The following SYN3 variants were observed in gnomAD, a reference collection of about 807,000 sequenced individuals.
SYN3 encodes synapsin III.
SYN3 carries 35 observed loss-of-function variants against 65.8 expected under a neutral mutation model. The observed-to-expected ratio is 0.53, with a 90% CI of 0.41 to 0.70. SYN3 has a LOEUF of 0.70. SYN3 is among the 30% of genes least tolerant of loss of function. SYN3 has a pLI of 0.00. For synonymous variants in SYN3, 270 were observed against 292.9 expected, an observed-to-expected ratio of 0.92 and a Z score of 0.80; for missense variants, 680 against 749.0, an observed-to-expected ratio of 0.91 and a Z score of 1.08.
chr22:32,694,308 T>A (rs1321124282), intron 6 of SYN3, among the ~76,000 whole-genome samples: 1 of 152,194 alleles, frequency 6.6e-6, no homozygotes, highest in Admixed American at 6.5e-5. Context: ...CTGCCACATA[T>A]AAGCCATTTC....
intron 3 of SYN3, among the ~76,000 whole-genome samples, chr22:32,951,821 C>T (rs1017859023): frequency 2.6e-5 from 4 of 152,160 alleles, no homozygotes; most frequent in Admixed American, 1.3e-4. Flanking sequence ...GGCCTACAGT[C>T]GCCCTTGTCT....
At position 32,510,419 on chromosome 22, in the gene SYN3, T is replaced by C. The variant is rs1274497856; in HGVS notation, c.*3273A>G. On this transcript the variant is annotated 3_prime_UTR_variant, in exon 14 of 14. Coordinates refer to ENST00000358763, the MANE Select transcript of SYN3 (RefSeq NM_003490.4). ...TGTCCAGCCTATTACCATTCAGTTG[T>C]ATGTTTTGAGCTGTCTTTTATTACT... Among the ~76,000 whole-genome samples the C allele has an allele frequency of 1.3e-5, 2 of 152,184 alleles. No homozygotes were observed. The highest frequency in any genetic ancestry group is 3.9e-4 in the East Asian group (2 of 5,190).
chr22:32,564,308 T>A (rs1223673562), intron 7 of SYN3, among the ~76,000 whole-genome samples: 1 of 152,048 alleles, frequency 6.6e-6, no homozygotes, highest in Admixed American at 6.5e-5. Flanking sequence ...GAGGGTTGAG[T>A]CACTTCTTCC....
intron 4 of SYN3, among the ~76,000 whole-genome samples, chr22:32,871,348 T>C (rs1055177102): frequency 2.3e-4 from 35 of 152,194 alleles, no homozygotes; most frequent in African/African-American, 8.0e-4. Flanking sequence ...TCTCCAGGGC[T>C]TCCAAAACTC....
At chr22:32,699,376 A>C (rs1190032526) in intron 6 of SYN3, among the ~76,000 whole-genome samples, 3 of 152,214 alleles carry the variant, frequency 2.0e-5, no homozygotes, top group African/African-American at 7.2e-5. Context: ...GCCAATGGGC[A>C]GGGAGGCTTA....
intron 9 of SYN3, among the ~76,000 whole-genome samples, chr22:32,537,199 G>A (rs1402526868): frequency 1.3e-5 from 2 of 150,818 alleles, no homozygotes; most frequent in African/African-American, 2.4e-5. Flanking sequence ...TGCTCTTTTT[G>A]CCCAGGCTGG....
chr22:32,958,792 G>A (rs1318605823), intron 3 of SYN3, among the ~76,000 whole-genome samples: 6 of 152,092 alleles, frequency 3.9e-5, no homozygotes, highest in Admixed American at 1.3e-4. Context: ...ATGCAAACAC[G>A]AGTCTGAATC....
intron 6 of SYN3, among the ~76,000 whole-genome samples, chr22:32,824,387 G>A (rs920892619): frequency 6.6e-6 from 1 of 150,946 alleles, no homozygotes; most frequent in Admixed American, 6.6e-5. Context: ...GTACCCTCAG[G>A]TTGAGCAGCT....
At chr22:32,767,749 T>C (rs1165412505) in intron 6 of SYN3, among the ~76,000 whole-genome samples, 2 of 152,248 alleles carry the variant, frequency 1.3e-5, no homozygotes, top group Non-Finnish European at 2.9e-5. Context: ...ATTTTCTCTT[T>C]AGAGCTCAGA....
chr22:32,735,207 A>G (rs3788496), intron 6 of SYN3, among the ~76,000 whole-genome samples: 3 of 151,988 alleles, frequency 2.0e-5, no homozygotes, highest in Admixed American at 2.0e-4. Flanking sequence ...ATGGAGTGGG[A>G]TCAAGCCCCA....
chr22:32,779,752 C>G (rs1042034495), intron 6 of SYN3, among the ~76,000 whole-genome samples: 4 of 152,094 alleles, frequency 2.6e-5, no homozygotes, highest in African/African-American at 9.7e-5. Flanking sequence ...ATAGGAAAAA[C>G]AGGACCTTAC....
At chr22:32,705,724 A>G (rs2060872373) in intron 6 of SYN3, among the ~76,000 whole-genome samples, 1 of 152,142 alleles carries the variant, frequency 6.6e-6, no homozygotes, top group Non-Finnish European at 1.5e-5. Flanking sequence ...GTCATCTCTG[A>G]TCTCTTTGAG....
At chr22:32,941,749 C>T (rs1214221704) in intron 3 of SYN3, among the ~76,000 whole-genome samples, 1 of 152,232 alleles carries the variant, frequency 6.6e-6, no homozygotes, top group African/African-American at 2.4e-5. Context: ...AACTCCCACC[C>T]TAATACTGTG....
chr22:32,822,631 T>C (rs780295623), intron 6 of SYN3, among the ~76,000 whole-genome samples: 2 of 152,216 alleles, frequency 1.3e-5, no homozygotes, highest in Non-Finnish European at 2.9e-5. Flanking sequence ...CTATTGCAAA[T>C]AGACTGCTTA....
chr22:32,586,946 G>A (rs1044044668), intron 7 of SYN3, among the ~76,000 whole-genome samples: 6 of 152,118 alleles, frequency 3.9e-5, no homozygotes, highest in African/African-American at 1.2e-4. Flanking sequence ...AGAATACGCC[G>A]GGAGCGGTGG....
chr22:32,902,656 T>C (rs1172725563), intron 4 of SYN3, among the ~76,000 whole-genome samples: 2 of 152,078 alleles, frequency 1.3e-5, no homozygotes, highest in Non-Finnish European at 2.9e-5. Context: ...TAGAGGCTTT[T>C]ATAAAACAAG....
intron 6 of SYN3, among the ~76,000 whole-genome samples, chr22:32,752,271 G>A (rs1416308587): frequency 6.6e-6 from 1 of 152,016 alleles, no homozygotes; most frequent in Non-Finnish European, 1.5e-5. Flanking sequence ...AATATAGGTC[G>A]ATATCCTGCA....
At chr22:32,535,370 C>T (rs529976912) in intron 9 of SYN3, among the ~76,000 whole-genome samples, 9 of 152,322 alleles carry the variant, frequency 5.9e-5, no homozygotes, top group South Asian at 2.1e-4. Context: ...GAGAGTTAAA[C>T]GCACAAACAG....
intron 7 of SYN3, among the ~76,000 whole-genome samples, chr22:32,584,696 T>C (rs1353254081): frequency 1.3e-5 from 2 of 152,148 alleles, no homozygotes; most frequent in Admixed American, 6.5e-5. Context: ...AAATGGGGCT[T>C]ATAGATGGTG....
Sources: gnomAD v4.1 joint callset for allele counts (sites outside exome capture counted in the v4.1 genomes callset) on GRCh38, gnomAD v4.1.1 for gene constraint, MANE v1.5 for transcripts, NCBI Gene and HGNC (gene_info 2026-07-23, HGNC 2026-07-21) for gene names.